The following TRPC6 variants were observed in gnomAD, a reference collection of about 807,000 sequenced individuals.
TRPC6 encodes short transient receptor potential channel 6.
TRPC6 carries 55 observed loss-of-function variants against 90.7 expected under a neutral mutation model. The observed-to-expected ratio is 0.61, with a 90% confidence interval of 0.49 to 0.76. The LOEUF is 0.76. Ranked by LOEUF, TRPC6 falls within the 30% of genes least tolerant of loss-of-function variation. The probability of loss-of-function intolerance (pLI) is 0.00; values close to 1 mark genes in which losing one functional copy is unlikely to be tolerated. For synonymous variants in TRPC6, 393 were observed against 393.0 expected, an observed-to-expected ratio of 1.00 and a Z score of 0.00; for missense variants, 989 against 1,122.7, an observed-to-expected ratio of 0.88 and a Z score of 1.70.
At chr11:101,523,042 G>A (rs553791493) in intron 1 of TRPC6, among the ~76,000 whole-genome samples, 1 of 152,236 alleles carries the variant, frequency 6.6e-6, no homozygotes, top group South Asian at 2.1e-4. Flanking sequence ...GCTTGAATGG[G>A]CAAAGGACTT....
chr11:101,516,798 A>T (rs1860533973), intron 1 of TRPC6, among the ~76,000 whole-genome samples: 1 of 152,232 alleles, frequency 6.6e-6, no homozygotes, highest in African/African-American at 2.4e-5. Context: ...CTAGCCGAGT[A>T]GCCAGCAGGG....
intron 1 of TRPC6, among the ~76,000 whole-genome samples, chr11:101,508,304 T>C (rs561829822): frequency 6.6e-6 from 1 of 152,280 alleles, no homozygotes; most frequent in African/African-American, 2.4e-5. Flanking sequence ...GAAATATTCC[T>C]TATAATGTCT....
chr11:101,473,180 C>G (rs919751714), intron 7 of TRPC6, among the ~76,000 whole-genome samples: 7 of 152,080 alleles, frequency 4.6e-5, no homozygotes, highest in African/African-American at 1.7e-4. Context: ...GGGTTACAGC[C>G]TGGCTTGTTC....
chr11:101,541,308 A>G (rs4531428), intron 1 of TRPC6, among the ~76,000 whole-genome samples: 111,941 of 152,112 alleles, frequency 0.74, 41,722 homozygotes, highest in South Asian at 0.83. Context: ...GACAAAATGG[A>G]GTAGAAGAGT....
intron 10 of TRPC6, among the ~76,000 whole-genome samples, chr11:101,467,165 C>T (rs1185362012): frequency 6.6e-6 from 1 of 152,214 alleles, no homozygotes. Flanking sequence ...ATCTTGCCAG[C>T]AATCCTGTTT....
At chr11:101,579,809 AG>A (rs1177551637) in intron 1 of TRPC6, among the ~76,000 whole-genome samples, 3 of 152,128 alleles carry the variant, frequency 2.0e-5, no homozygotes, top group Admixed American at 2.0e-4. Context: ...GGGGTATCTC[AG>A]TTCCAGCTCT....
intron 4 of TRPC6, among the ~76,000 whole-genome samples, chr11:101,484,988 T>C (rs1859642125): frequency 6.6e-6 from 1 of 152,106 alleles, no homozygotes; most frequent in Non-Finnish European, 1.5e-5. Flanking sequence ...GTTGAGAATA[T>C]TCAATATCCT....
intron 1 of TRPC6, among the ~76,000 whole-genome samples, chr11:101,538,411 G>C (rs1861100317): frequency 6.6e-6 from 1 of 152,144 alleles, no homozygotes. Context: ...TTGTACGGCA[G>C]TTTTGCTTCC....
chr11:101,507,573 G>A lies in TRPC6; in HGVS notation c.171-2775C>T, dbSNP rs540369317. Among the ~76,000 whole-genome samples the A allele has an allele frequency of 7.2e-5, 11 of 152,156 alleles. No homozygotes were observed. The South Asian group carries it at 8.3e-4, about 11-fold the overall frequency. ...ATGCATAGGTGAATTTTTAAAGAAC[G>A]TGTACATCTAAAACTGACTTTGTCC... is the stretch of plus-strand genomic sequence containing the variant. On this transcript the variant is annotated intron_variant, in intron 1 of 12. Coordinates refer to ENST00000344327, the MANE Select transcript of TRPC6 (RefSeq NM_004621.6).
intron 1 of TRPC6, among the ~76,000 whole-genome samples, chr11:101,582,182 C>T (rs534201575): frequency 6.6e-6 from 1 of 152,208 alleles, no homozygotes; most frequent in African/African-American, 2.4e-5. Flanking sequence ...CCAGTTCTAA[C>T]TATTCTCCTT....
intron 1 of TRPC6, among the ~76,000 whole-genome samples, chr11:101,550,129 T>A (rs1388260764): frequency 6.6e-6 from 1 of 151,626 alleles, no homozygotes; most frequent in African/African-American, 2.4e-5. Context: ...AATCTAAATT[T>A]TTTTAAGATG....
rs1402304594 is a variant in TRPC6, at chr11:101,453,020, C to G, written c.2731G>C (p.Glu911Gln). Residue 911 changes from glutamate to glutamine, a missense_variant, in exon 13 of 13, where the codon GAA becomes CAA. Glu to Gln is a conservative substitution (Grantham distance 29, BLOSUM62 2). This residue lies in a region of TRPC6 where 191 missense variants were observed against 196.7 expected (regional missense o/e 0.97). Coordinates refer to ENST00000344327, the MANE Select transcript of TRPC6 (RefSeq NM_004621.6). ...EKSQNTEDLA[E>Q]LIRELGEKLS... ...TTCTCTCCAAGTTCTCTAATAAGTTCTGCTAGGTCTTCTGTATTCTGAGAT... is the reference window on the plus strand; with the variant it reads ...TTCTCTCCAAGTTCTCTAATAAGTTGTGCTAGGTCTTCTGTATTCTGAGAT... 1.9e-6 allele frequency: 3 copies of G among 1,613,768 alleles called. No homozygotes were observed. Among genetic ancestry groups the G allele is most frequent in the South Asian group, 1.1e-5 (1 of 91,088 alleles).
intron 1 of TRPC6, among the ~76,000 whole-genome samples, chr11:101,527,916 T>TA (rs564711414): frequency 1.2e-3 from 184 of 151,714 alleles, no homozygotes; most frequent in Admixed American, 2.6e-3. Context: ...TACTAAAAAT[T>TA]AAAAAAATTA....
rs541784475 is a variant in TRPC6 at position 101,571,158 on chromosome 11, C to G, written c.170+12176G>C. Reference sequence around the variant, plus strand: ...CCCAAAATCTCCTTAAGCTGATAAGCAACTTCAGCAAAGTCTCAGGATACA... The same window carrying G: ...CCCAAAATCTCCTTAAGCTGATAAGGAACTTCAGCAAAGTCTCAGGATACA... On this transcript the variant is annotated intron_variant, in intron 1 of 12. Transcript: ENST00000344327. 3.3e-5 allele frequency among the ~76,000 whole-genome samples: 5 copies of G among 152,280 alleles called. No individual in the cohort carries two copies. In the South Asian group the frequency reaches 1.0e-3, roughly 32 times the overall value.
At chr11:101,507,291 A>G (rs1860297134) in intron 1 of TRPC6, among the ~76,000 whole-genome samples, 2 of 151,644 alleles carry the variant, frequency 1.3e-5, no homozygotes, top group East Asian at 1.9e-4. Flanking sequence ...CTCCATCAAT[A>G]TAAGTCTTAT....
At chr11:101,529,189 A>G (rs1476534913) in intron 1 of TRPC6, among the ~76,000 whole-genome samples, 1 of 152,224 alleles carries the variant, frequency 6.6e-6, no homozygotes, top group Non-Finnish European at 1.5e-5. Context: ...AAAAGCCTAG[A>G]AAGATCAGAA....
At chr11:101,488,312 T>C (rs1175844095) in intron 4 of TRPC6, among the ~76,000 whole-genome samples, 1 of 152,254 alleles carries the variant, frequency 6.6e-6, no homozygotes, top group Admixed American at 6.5e-5. Context: ...ATAGCATTTT[T>C]ACCAAAGCAT....
At chr11:101,570,658 A>T (rs1348570222) in intron 1 of TRPC6, among the ~76,000 whole-genome samples, 1 of 152,216 alleles carries the variant, frequency 6.6e-6, no homozygotes, top group African/African-American at 2.4e-5. Flanking sequence ...GCAGCACATC[A>T]AAAAGCTTAT....
At chr11:101,523,951 C>A (rs1031075942) in intron 1 of TRPC6, among the ~76,000 whole-genome samples, 13 of 152,294 alleles carry the variant, frequency 8.5e-5, no homozygotes, top group African/African-American at 2.9e-4. Context: ...TCCTCTCACC[C>A]TGATTCTTCT....
Sources: gnomAD v4.1 joint callset for allele counts (sites outside exome capture counted in the v4.1 genomes callset) on GRCh38, gnomAD v4.1.1 for gene constraint, gnomAD v4.1.1 regional missense constraint, MANE v1.5 for transcripts, NCBI Gene and HGNC (gene_info 2026-07-23, HGNC 2026-07-21) for gene names.